The following MAGI1 variants were observed in gnomAD, a reference collection of about 807,000 sequenced individuals.
MAGI1 encodes membrane associated guanylate kinase, WW and PDZ domain containing 1, also known as membrane-associated guanylate kinase, WW and PDZ domain-containing protein 1.
Under a neutral mutation model 139.9 loss-of-function variants are expected in MAGI1, and 58 were observed. That is an observed-to-expected ratio of 0.41 (90% CI 0.34 to 0.52). MAGI1 has a LOEUF of 0.52. MAGI1 is among the 20% of genes least tolerant of loss of function. MAGI1 has a pLI of 0.12. For missense variants in MAGI1, 1,874 were observed against 1,901.6 expected (o/e 0.99, Z 0.27); for synonymous variants, 812 against 737.9 (o/e 1.10, Z -1.63).
intron 1 of MAGI1, among the ~76,000 whole-genome samples, chr3:66,020,949 G>A (rs1456161657): frequency 3.3e-5 from 5 of 152,066 alleles, no homozygotes; most frequent in African/African-American, 9.7e-5. Flanking sequence ...TAAATGTACC[G>A]ATTAAAAAGA....
intron 1 of MAGI1, chr3:65,872,968 T>C (rs967716920): frequency 1.3e-5 from 2 of 152,214 alleles, no homozygotes; most frequent in Non-Finnish European, 2.9e-5. Context: ...ATGTTCCATA[T>C]ATTAATCTGG....
rs140859868 is a variant in MAGI1 at position 65,772,125 on chromosome 3, G to A, written c.314-150037C>T. Among the ~76,000 whole-genome samples the A allele has an allele frequency of 6.5e-3, 983 of 152,294 alleles. 7 individuals are homozygous for A. Among genetic ancestry groups the A allele is most frequent in the Middle Eastern group, 0.031 (9 of 294 alleles). ...GCAGGAGAATCGTTTGAACCTGGGA[G>A]GCGGAGGTTGCAGTGAACTGAGATC... is the stretch of plus-strand genomic sequence containing the variant. On this transcript the variant is annotated intron_variant, in intron 1 of 22. Transcript: ENST00000402939.
At chr3:65,363,707 C>G in intron 20 of MAGI1, 99 bp from the exon 21 acceptor site, 1 of 897,040 alleles carries the variant, frequency 1.1e-6, no homozygotes, top group Non-Finnish European at 1.7e-6. Flanking sequence ...CTATCCCCCT[C>G]TTGGTGACTC....
chr3:65,984,549 T>TGTGTGTGTGTGA (rs1365094861), intron 1 of MAGI1, among the ~76,000 whole-genome samples: 26 of 143,462 alleles, frequency 1.8e-4, no homozygotes, highest in Middle Eastern at 3.5e-3. Context: ...TGTGTGTGTG[T>TGTGTGTGTGTGA]GACAGGGTCT....
At chr3:65,407,665 C>T (rs887346393) in intron 12 of MAGI1, among the ~76,000 whole-genome samples, 12 of 152,028 alleles carry the variant, frequency 7.9e-5, no homozygotes, top group African/African-American at 2.9e-4. Context: ...AGTGGATATA[C>T]ATATATATTC....
In MAGI1 at chr3:65,637,062, G is replaced by C. The variant is rs544082246; in HGVS notation, c.314-14974C>G. The stretch of plus-strand genomic sequence containing the variant: ...TGTTCCATGAAACTCTGGACATTCA[G>C]CCTCCCTGTTCTTGGCAGCTCCAAA... On this transcript the variant is annotated intron_variant, in intron 1 of 22. Transcript: ENST00000402939. 1.6e-3 allele frequency among the ~76,000 whole-genome samples: 239 copies of C among 152,282 alleles called. 1 individual carries two copies. In the South Asian group the frequency reaches 0.03, roughly 19 times the overall value.
intron 1 of MAGI1, among the ~76,000 whole-genome samples, chr3:65,799,407 G>C (rs776275209): frequency 1.6e-4 from 25 of 152,180 alleles, no homozygotes; most frequent in Non-Finnish European, 3.2e-4. Context: ...GTTATTTGTT[G>C]CAAGTAGCGA....
At chr3:65,786,621 T>G (rs1430259563) in intron 1 of MAGI1, among the ~76,000 whole-genome samples, 2 of 150,326 alleles carry the variant, frequency 1.3e-5, no homozygotes, top group African/African-American at 4.9e-5. Context: ...TTTTTTTTTT[T>G]TTTTTTCTTA....
intron 1 of MAGI1, among the ~76,000 whole-genome samples, chr3:66,020,498 G>A (rs1369975609): frequency 6.6e-6 from 1 of 152,136 alleles, no homozygotes; most frequent in Non-Finnish European, 1.5e-5. Flanking sequence ...GAGAATCAAG[G>A]CTGTCCATTA....
At chr3:65,759,370 A>G (rs545177963) in intron 1 of MAGI1, among the ~76,000 whole-genome samples, 2 of 152,336 alleles carry the variant, frequency 1.3e-5, no homozygotes, top group South Asian at 4.1e-4. Flanking sequence ...AATAGAGGAG[A>G]TAATGTTCCT....
intron 1 of MAGI1, among the ~76,000 whole-genome samples, chr3:65,799,369 A>G (rs953584684): frequency 6.6e-6 from 1 of 152,166 alleles, no homozygotes; most frequent in African/African-American, 2.4e-5. Context: ...GACTTCAGCA[A>G]GGGATCCCCT....
intron 1 of MAGI1, among the ~76,000 whole-genome samples, chr3:65,711,818 C>T (rs548794551): frequency 6.6e-6 from 1 of 152,292 alleles, no homozygotes; most frequent in Non-Finnish European, 1.5e-5. Flanking sequence ...GACTTCTAGC[C>T]TCCAGAACTG....
chr3:65,719,476 T>C (rs996619269), intron 1 of MAGI1, among the ~76,000 whole-genome samples: 2 of 152,034 alleles, frequency 1.3e-5, no homozygotes, highest in Non-Finnish European at 2.9e-5. Context: ...TATAAATAAA[T>C]ATTCATCTAT....
At chr3:65,691,307 A>AAAAAAAAAAAAAAAAGAAAAAG (rs1388046202) in intron 1 of MAGI1, among the ~76,000 whole-genome samples, 8 of 133,654 alleles carry the variant, frequency 6.0e-5, no homozygotes, top group Non-Finnish European at 1.4e-4. Context: ...CGTCTCAAAA[A>AAAAAAAAAAAAAAAAGAAAAAG]AAAAAAAAGA....
At chr3:65,399,920 C>G (rs1217122359) in intron 13 of MAGI1, among the ~76,000 whole-genome samples, 1 of 152,192 alleles carries the variant, frequency 6.6e-6, no homozygotes, top group African/African-American at 2.4e-5. Flanking sequence ...TGCAAAACTA[C>G]TATGTCTCCC....
At chr3:65,418,035 T>C (rs1946355823) in intron 12 of MAGI1, among the ~76,000 whole-genome samples, 1 of 152,150 alleles carries the variant, frequency 6.6e-6, no homozygotes, top group South Asian at 2.1e-4. Context: ...ATGTGACAGG[T>C]ACCTACTCAG....
intron 4 of MAGI1, among the ~76,000 whole-genome samples, chr3:65,473,454 A>C (rs929151723): frequency 6.6e-6 from 1 of 152,138 alleles, no homozygotes; most frequent in Non-Finnish European, 1.5e-5. Context: ...CAACTGTCCA[A>C]ACTCGGTGAC....
rs1488619463 is a variant in MAGI1 at position 65,364,924 on chromosome 3, C to A, written c.3219G>T (p.Leu1073=). ...TGGTGGCAATCTTCTCTGCATTGGT[C>A]AGCAAGGTGGCATTCGAGGACTCTG... The part of the protein sequence containing the change: ...PGDESSNATL[L]TNAEKIATIT... The change falls in exon 19 of 23, where the codon CTG becomes CTT. Residue 1073 remains leucine, a synonymous_variant. Coordinates refer to ENST00000402939, the MANE Select transcript of MAGI1 (RefSeq NM_001033057.2). The A allele has an allele frequency of 1.7e-5, 28 of 1,613,748 alleles. No homozygotes were observed. The Admixed American group carries it at 4.5e-4, about 26-fold the overall frequency.
chr3:65,678,336 C>T (rs1264235028), intron 1 of MAGI1, among the ~76,000 whole-genome samples: 1 of 123,374 alleles, frequency 8.1e-6, no homozygotes. Flanking sequence ...AAAAAGAAAA[C>T]CTTTAAAAAA....
Sources: allele counts gnomAD v4.1 joint callset (sites outside exome capture counted in the v4.1 genomes callset), GRCh38; gene constraint gnomAD v4.1.1; transcripts MANE v1.5; gene names NCBI Gene and HGNC (gene_info 2026-07-23, HGNC 2026-07-21).